C6orf52: variants seen among roughly 807,000 people sequenced by gnomAD.
The protein encoded by C6orf52 is chromosome 6 open reading frame 52, also known as putative uncharacterized protein C6orf52.
Under a neutral mutation model 16.6 loss-of-function variants are expected in C6orf52, and 16 were observed. That is an observed-to-expected ratio of 0.96 (90% CI 0.65 to 1.46). The LOEUF is 1.46. Ranked by LOEUF, C6orf52 falls within the 40% of genes most tolerant of loss-of-function variation. The probability of loss-of-function intolerance (pLI) is 0.00; values close to 1 mark genes in which losing one functional copy is unlikely to be tolerated. For synonymous variants in C6orf52, 53 were observed against 61.4 expected (o/e 0.86, Z 0.64); for missense variants, 166 against 182.3 (o/e 0.91, Z 0.52).
intron 4 of C6orf52, among the ~76,000 whole-genome samples, chr6:10,672,053 A>T (rs1038540074): frequency 1.3e-5 from 2 of 152,264 alleles, no homozygotes; most frequent in South Asian, 2.1e-4. Context: ...AATTTTATAC[A>T]GCAACTAATT....
At chr6:10,686,328 G>A (rs540555347) in intron 3 of C6orf52, among the ~76,000 whole-genome samples, 1 of 152,252 alleles carries the variant, frequency 6.6e-6, no homozygotes, top group East Asian at 1.9e-4. Flanking sequence ...GAACCACATT[G>A]ATTTAGCAAG....
chr6:10,694,085 C>A (rs1450635558), intron 1 of C6orf52, among the ~76,000 whole-genome samples: 1 of 152,066 alleles, frequency 6.6e-6, no homozygotes, highest in Non-Finnish European at 1.5e-5. Flanking sequence ...CATGGAGAAA[C>A]CCTGTCTCTA....
chr6:10,691,385 TTGAC>T (rs541032192), intron 1 of C6orf52, among the ~76,000 whole-genome samples: 92 of 152,076 alleles, frequency 6.0e-4, no homozygotes, highest in African/African-American at 2.0e-3. Flanking sequence ...AGGGTCGTGA[TTGAC>T]TGAGCAAGCG....
intron 1 of C6orf52, among the ~76,000 whole-genome samples, chr6:10,692,320 C>CGTGA (rs1455599238): frequency 6.6e-6 from 1 of 152,208 alleles, no homozygotes; most frequent in Admixed American, 6.5e-5. Context: ...ACTTACTTCA[C>CGTGA]ACTCCTCTAA....
chr6:10,684,142 A>G (rs949680434), intron 3 of C6orf52, among the ~76,000 whole-genome samples: 3 of 152,144 alleles, frequency 2.0e-5, no homozygotes, highest in Non-Finnish European at 4.4e-5. Context: ...TCTTTTTTCT[A>G]TTTAGATACG....
At chr6:10,693,281 A>ATCGT (rs1769517913) in intron 1 of C6orf52, among the ~76,000 whole-genome samples, 1 of 152,214 alleles carries the variant, frequency 6.6e-6, no homozygotes, top group Admixed American at 6.5e-5. Flanking sequence ...TGCTCTCACC[A>ATCGT]TCGTTCCATC....
chr6:10,686,138 G>A (rs1460946150), intron 3 of C6orf52, among the ~76,000 whole-genome samples: 4 of 152,138 alleles, frequency 2.6e-5, no homozygotes, highest in Non-Finnish European at 5.9e-5. Context: ...TCAAGTGATC[G>A]TCCCGCCTCA....
rs1211222456 is a variant in C6orf52 at position 10,687,174 on chromosome 6, T to C, written c.72-10A>G. ...AATAGCAGAGGGGAGACTACAGGAATGACAATCATCACAACCAACGCAGAA... is the reference window on the plus strand; with the variant it reads ...AATAGCAGAGGGGAGACTACAGGAACGACAATCATCACAACCAACGCAGAA... On this transcript the variant is annotated splice_polypyrimidine_tract_variant and intron_variant, in intron 2 of 4. Transcript: ENST00000259983. 6 of 1,535,352 alleles carry C rather than the reference T, an allele frequency of 3.9e-6. No individual in the cohort carries two copies. The South Asian group carries it at 7.2e-5, about 19-fold the overall frequency.
At chr6:10,694,416 C>T (rs75923375) in intron 1 of C6orf52, 78 bp downstream of exon 1, 11,146 of 154,616 alleles carry the variant, frequency 0.072, 1,187 homozygotes, top group African/African-American at 0.24. Flanking sequence ...ACATCTAGCA[C>T]TCCGAGTCCG....
chr6:10,686,587 A>G (rs189313150), intron 3 of C6orf52, among the ~76,000 whole-genome samples: 1 of 142,618 alleles, frequency 7.0e-6, no homozygotes, highest in African/African-American at 3.0e-5. Flanking sequence ...TATAGTGTTA[A>G]AGAGTAAAAT....
chr6:10,673,304 C>T (rs1299234925), intron 4 of C6orf52, among the ~76,000 whole-genome samples: 1 of 152,186 alleles, frequency 6.6e-6, no homozygotes, highest in Non-Finnish European at 1.5e-5. Context: ...GCTCCAAACC[C>T]CAGATTACAT....
chr6:10,689,947 T>A (rs1769148639), intron 1 of C6orf52, among the ~76,000 whole-genome samples: 1 of 152,224 alleles, frequency 6.6e-6, no homozygotes, highest in Admixed American at 6.5e-5. Context: ...ACATGTCAGT[T>A]AAAGATTCTT....
chr6:10,671,736 A>G (rs1767440950), intron 4 of C6orf52, 138 bp from the exon 5 acceptor site: 3 of 522,762 alleles, frequency 5.7e-6, no homozygotes, highest in South Asian at 3.4e-5. Context: ...CTTAAATTGC[A>G]TATTTCCTTT....
intron 1 of C6orf52, among the ~76,000 whole-genome samples, chr6:10,688,625 G>A (rs1171277574): frequency 1.3e-5 from 2 of 152,072 alleles, no homozygotes; most frequent in African/African-American, 4.8e-5. Flanking sequence ...GGATGCCCAA[G>A]TATAAAATGG....
chr6:10,684,031 C>T (rs1166709824), intron 3 of C6orf52, among the ~76,000 whole-genome samples: 1 of 152,188 alleles, frequency 6.6e-6, no homozygotes, highest in East Asian at 1.9e-4. Context: ...ACTATCTTTT[C>T]TTTTCAGTCT....
intron 4 of C6orf52, among the ~76,000 whole-genome samples, chr6:10,679,284 AC>A (rs952671045): frequency 6.6e-6 from 1 of 151,780 alleles, no homozygotes; most frequent in Admixed American, 6.6e-5. Flanking sequence ...TACTAAAAAT[AC>A]AAAAGTTAGC....
At chr6:10,688,803 T>G (rs974313305) in intron 1 of C6orf52, among the ~76,000 whole-genome samples, 1 of 152,192 alleles carries the variant, frequency 6.6e-6, no homozygotes, top group African/African-American at 2.4e-5. Context: ...TTTGGAGTTT[T>G]GGGGTTTTTT....
intron 1 of C6orf52, among the ~76,000 whole-genome samples, chr6:10,688,916 A>T (rs1216422269): frequency 6.6e-6 from 1 of 152,202 alleles, no homozygotes; most frequent in Non-Finnish European, 1.5e-5. Context: ...GGTTCAAGTG[A>T]TTCTGCTGCC....
intron 4 of C6orf52, among the ~76,000 whole-genome samples, chr6:10,680,387 T>G (rs952522570): frequency 1.3e-5 from 2 of 152,234 alleles, no homozygotes; most frequent in Non-Finnish European, 2.9e-5. Context: ...TCATGACAGA[T>G]GATTTTGTCA....
Sources: gnomAD v4.1 joint callset for allele counts (sites outside exome capture counted in the v4.1 genomes callset) on GRCh38, gnomAD v4.1.1 for gene constraint, MANE v1.5 for transcripts, NCBI Gene and HGNC (gene_info 2026-07-23, HGNC 2026-07-21) for gene names.